Variants in ADGRB3 observed in about 807,000 individuals in gnomAD.
ADGRB3 encodes the protein adhesion G protein-coupled receptor B3, also known as brain-specific angiogenesis inhibitor 3.
In ADGRB3, 37 loss-of-function variants were observed where a neutral mutation model predicts 193.4. That is an observed-to-expected ratio of 0.19 (90% CI 0.15 to 0.25). The LOEUF (loss-of-function observed/expected upper bound fraction) is 0.25, where lower values mean the gene tolerates loss of function less well. ADGRB3 is among the 10% of genes least tolerant of loss of function. The pLI, the probability that ADGRB3 is intolerant of heterozygous loss-of-function variation, is 1.00. For synonymous variants in ADGRB3, 690 were observed against 644.2 expected, an observed-to-expected ratio of 1.07 and a Z score of -1.08; for missense variants, 1,637 against 1,852.9, an observed-to-expected ratio of 0.88 and a Z score of 2.14.
chr6:68,654,687 G>A (rs1034422360), intron 3 of ADGRB3, among the ~76,000 whole-genome samples: 1 of 151,806 alleles, frequency 6.6e-6, no homozygotes, highest in Non-Finnish European at 1.5e-5. Context: ...TTTTTCAATA[G>A]TTTGAGAATA....
At chr6:69,010,561 C>T (rs954431711) in intron 11 of ADGRB3, among the ~76,000 whole-genome samples, 14 of 152,094 alleles carry the variant, frequency 9.2e-5, no homozygotes, top group South Asian at 4.1e-4. Context: ...CCAAGCTTCA[C>T]GATAGCTCTG....
intron 13 of ADGRB3, among the ~76,000 whole-genome samples, chr6:69,023,486 A>G (rs1770329714): frequency 6.6e-6 from 1 of 152,142 alleles, no homozygotes; most frequent in Admixed American, 6.5e-5. Context: ...TTCTTTTAGC[A>G]AAGATGATAT....
At chr6:68,981,874 T>A (rs1466194243) in intron 10 of ADGRB3, among the ~76,000 whole-genome samples, 1 of 149,858 alleles carries the variant, frequency 6.7e-6, no homozygotes, top group African/African-American at 2.4e-5. Flanking sequence ...ATTTATTTAT[T>A]TATTTATTTA....
At chr6:68,678,263 A>T (rs1764803358) in intron 3 of ADGRB3, among the ~76,000 whole-genome samples, 1 of 152,228 alleles carries the variant, frequency 6.6e-6, no homozygotes, top group African/African-American at 2.4e-5. Flanking sequence ...AAGACAACAT[A>T]TGCAGCCTTA....
intron 15 of ADGRB3, among the ~76,000 whole-genome samples, chr6:69,052,917 G>A (rs568608344): frequency 2.0e-5 from 3 of 152,292 alleles, no homozygotes; most frequent in Middle Eastern, 3.4e-3. Flanking sequence ...CAGGCATGGT[G>A]GCTCACGCCT....
intron 17 of ADGRB3, among the ~76,000 whole-genome samples, chr6:69,084,808 TG>T (rs1332299369): frequency 6.6e-6 from 1 of 152,092 alleles, no homozygotes; most frequent in Non-Finnish European, 1.5e-5. Context: ...GCCTATGGCA[TG>T]GAGGTGAATG....
rs191884261 is a variant in ADGRB3 at position 69,177,687 on chromosome 6, G to T, written c.2481-55603G>T. Among the ~76,000 whole-genome samples the T allele has an allele frequency of 2.0e-4, 31 of 152,256 alleles. No homozygotes were observed. The East Asian group carries it at 6.0e-3, about 29-fold the overall frequency. On this transcript the variant is annotated intron_variant, in intron 17 of 31. Coordinates refer to ENST00000370598, the MANE Select transcript of ADGRB3 (RefSeq NM_001704.3). ...TGCTTATTTCTGCCTTAAGTTTGTTGTTTACCCAAAAGTCATTCAGGACCA... is the reference window on the plus strand; with the variant it reads ...TGCTTATTTCTGCCTTAAGTTTGTTTTTTACCCAAAAGTCATTCAGGACCA...
At chr6:69,108,060 AAAGTC>A (rs1773262077) in intron 17 of ADGRB3, among the ~76,000 whole-genome samples, 1 of 152,094 alleles carries the variant, frequency 6.6e-6, no homozygotes, top group Admixed American at 6.6e-5. Flanking sequence ...AAAAAAAAAA[AAAGTC>A]AGCCGAAGAA....
At chr6:69,356,664 C>T (rs1269953910) in intron 28 of ADGRB3, among the ~76,000 whole-genome samples, 3 of 152,006 alleles carry the variant, frequency 2.0e-5, no homozygotes, top group Non-Finnish European at 4.4e-5. Context: ...CCTTTCTGTG[C>T]CTCTATTTTA....
chr6:68,905,239 C>G, intron 3 of ADGRB3, among the ~76,000 whole-genome samples: 1 of 152,124 alleles, frequency 6.6e-6, no homozygotes, highest in East Asian at 1.9e-4. Context: ...TCCTAAAGAA[C>G]AATTATTCAG....
At chr6:68,874,322 G>T (rs1462381507) in intron 3 of ADGRB3, among the ~76,000 whole-genome samples, 3 of 151,980 alleles carry the variant, frequency 2.0e-5, no homozygotes, top group Non-Finnish European at 2.9e-5. Context: ...ACATTCACAG[G>T]TAACTCCTCA....
In ADGRB3 at chr6:69,367,696, G is replaced by A. The variant is rs183244304; in HGVS notation, c.4240-4710G>A. ...GTGTCTGTTCATGACACATGCACAC[G>A]TATGTTTATTGCGGCATTATTCACA... On this transcript the variant is annotated intron_variant, in intron 29 of 31. Coordinates refer to ENST00000370598, the MANE Select transcript of ADGRB3 (RefSeq NM_001704.3). 8.8e-4 allele frequency among the ~76,000 whole-genome samples: 133 copies of A among 151,932 alleles called. 1 individual carries two copies. Among genetic ancestry groups the A allele is most frequent in the African/African-American group, 2.9e-3 (122 of 41,450 alleles).
At chr6:69,234,197 CG>C (rs1766213352) in intron 18 of ADGRB3, among the ~76,000 whole-genome samples, 1 of 151,996 alleles carries the variant, frequency 6.6e-6, no homozygotes, top group African/African-American at 2.4e-5. Flanking sequence ...TTTTAGAACA[CG>C]CTTAAAGTGT....
At chr6:69,109,703 T>A (rs1773314540) in intron 17 of ADGRB3, among the ~76,000 whole-genome samples, 1 of 152,150 alleles carries the variant, frequency 6.6e-6, no homozygotes, top group East Asian at 1.9e-4. Flanking sequence ...ATACTAGAGA[T>A]GGCAGGTCAG....
At chr6:69,341,943 A>T (rs984627214) in intron 26 of ADGRB3, among the ~76,000 whole-genome samples, 2 of 152,164 alleles carry the variant, frequency 1.3e-5, no homozygotes, top group Admixed American at 6.5e-5. Flanking sequence ...CTTCAGAATA[A>T]GCTTGATAGA....
rs138439937 is a variant in ADGRB3, at chr6:69,049,716, G to A, written c.2333+370G>A. On this transcript the variant is annotated intron_variant, in intron 15 of 31. Coordinates refer to ENST00000370598, the MANE Select transcript of ADGRB3 (RefSeq NM_001704.3). ...TAATGGTACTGTTCATCAACATGAC[G>A]TGAAATTAAAGGAGTGTCATGATGA... Among the ~76,000 whole-genome samples the A allele has an allele frequency of 9.9e-5, 15 of 152,226 alleles. No homozygotes were observed. The South Asian group carries it at 1.9e-3, about 19-fold the overall frequency.
chr6:69,110,524 T>C (rs1773339512), intron 17 of ADGRB3, among the ~76,000 whole-genome samples: 1 of 152,216 alleles, frequency 6.6e-6, no homozygotes, highest in Non-Finnish European at 1.5e-5. Context: ...AAAATGTCAT[T>C]AATTGTTATA....
intron 3 of ADGRB3, among the ~76,000 whole-genome samples, chr6:68,705,085 T>G (rs1249573698): frequency 2.0e-5 from 3 of 152,224 alleles, no homozygotes; most frequent in Non-Finnish European, 4.4e-5. Context: ...ATGTTCTTGC[T>G]TCCTTTTTAT....
At chr6:68,910,208 T>G (rs1213765491) in intron 3 of ADGRB3, among the ~76,000 whole-genome samples, 2 of 152,248 alleles carry the variant, frequency 1.3e-5, no homozygotes, top group Non-Finnish European at 2.9e-5. Context: ...TATCTTCTTT[T>G]GAGAAGTGTC....
Sources: gnomAD v4.1 joint callset for allele counts (sites outside exome capture counted in the v4.1 genomes callset) on GRCh38, gnomAD v4.1.1 for gene constraint, MANE v1.5 for transcripts, NCBI Gene and HGNC (gene_info 2026-07-23, HGNC 2026-07-21) for gene names.